EYS: variants seen among roughly 807,000 people sequenced by gnomAD.
EYS encodes the protein EGF-like photoreceptor maintenance factor, also known as protein eyes shut homolog.
Under a neutral mutation model 282.1 loss-of-function variants are expected in EYS, and 250 were observed. The ratio of observed to expected loss-of-function variants is 0.89; its 90% confidence interval spans 0.80 to 0.98. The LOEUF is 0.98. Ranked by LOEUF, EYS falls within the 50% of genes least tolerant of loss-of-function variation. The pLI, the probability that EYS is intolerant of heterozygous loss-of-function variation, is 0.00. For missense variants in EYS, 4,016 were observed against 3,709.0 expected (o/e 1.08, Z -2.15); for synonymous variants, 1,355 against 1,282.9 (o/e 1.06, Z -1.20).
intron 29 of EYS, among the ~76,000 whole-genome samples, chr6:64,317,015 A>C (rs986947078): frequency 3.3e-5 from 5 of 152,240 alleles, no homozygotes; most frequent in African/African-American, 7.2e-5. Flanking sequence ...GCCCATATGC[A>C]GGAAGGTGAA....
chr6:64,381,451 G>A (rs1772746016), intron 29 of EYS, among the ~76,000 whole-genome samples: 1 of 151,930 alleles, frequency 6.6e-6, no homozygotes, highest in Non-Finnish European at 1.5e-5. Flanking sequence ...TATATAATGG[G>A]GATATTTGTT....
chr6:64,849,863 C>CT (rs1765827711), intron 19 of EYS, among the ~76,000 whole-genome samples: 12 of 150,154 alleles, frequency 8.0e-5, no homozygotes, highest in African/African-American at 2.9e-4. Context: ...AAATTTTCTA[C>CT]TAAAAAAAGA....
chr6:64,149,252 G>A (rs951714553), intron 31 of EYS, among the ~76,000 whole-genome samples: 4 of 152,154 alleles, frequency 2.6e-5, no homozygotes, highest in African/African-American at 7.2e-5. Flanking sequence ...AAACGTGCAT[G>A]CATTTGTGGG....
chr6:64,965,431 A>T (rs758364127), intron 14 of EYS, among the ~76,000 whole-genome samples: 15 of 151,936 alleles, frequency 9.9e-5, no homozygotes, highest in Admixed American at 3.3e-4. Context: ...TATTTTTTAC[A>T]TATAGGAAAG....
At chr6:64,620,299 G>A (rs186849584) in intron 23 of EYS, among the ~76,000 whole-genome samples, 96 of 152,272 alleles carry the variant, frequency 6.3e-4, no homozygotes, top group African/African-American at 2.3e-3. Flanking sequence ...CCACCAGGCA[G>A]CTGCCGTTTC....
At chr6:65,237,650 G>A (rs1333355227) in intron 12 of EYS, among the ~76,000 whole-genome samples, 1 of 152,072 alleles carries the variant, frequency 6.6e-6, no homozygotes, top group African/African-American at 2.4e-5. Flanking sequence ...TTATGCTTTT[G>A]GTGTCTGTTC....
At chr6:65,633,122 G>A (rs1228363821) in intron 2 of EYS, among the ~76,000 whole-genome samples, 2 of 152,126 alleles carry the variant, frequency 1.3e-5, no homozygotes, top group Non-Finnish European at 2.9e-5. Context: ...TCATTGCATT[G>A]TTAGGGTTGT....
At chr6:64,682,779 C>CT (rs1465160088) in intron 22 of EYS, among the ~76,000 whole-genome samples, 1 of 152,148 alleles carries the variant, frequency 6.6e-6, no homozygotes, top group Non-Finnish European at 1.5e-5. Flanking sequence ...ACGTACCTTC[C>CT]TTTTTTTCCT....
Position 64,617,505 on chromosome 6 carries a change from C to T in EYS, c.3597G>A (p.Glu1199=). 6.5e-7 allele frequency: 1 copy of T among 1,550,324 alleles called. No homozygotes were observed. The highest frequency in any genetic ancestry group is 1.2e-5 in the South Asian group (1 of 84,026). ...PGWSGHHCEN[E]LECIPNSCVH... is the part of the protein sequence containing the mutation. ...CACATGAGTTGGGAATGCACTCAAG[C>T]TCATTCTCACAGTGGTGTCCAGACC... is the stretch of plus-strand genomic sequence containing the variant. Residue 1199 remains glutamate, a synonymous_variant, in exon 24 of 43, where the codon GAG becomes GAA. Coordinates refer to ENST00000503581, the MANE Select transcript of EYS (RefSeq NM_001142800.2).
At chr6:64,709,595 T>C (rs1771141139) in intron 22 of EYS, among the ~76,000 whole-genome samples, 1 of 152,294 alleles carries the variant, frequency 6.6e-6, no homozygotes, top group Non-Finnish European at 1.5e-5. Context: ...TAATCACTTC[T>C]AGGTGTTCTT....
chr6:65,180,082 A>G (rs1225787866), intron 12 of EYS, among the ~76,000 whole-genome samples: 1 of 151,328 alleles, frequency 6.6e-6, no homozygotes, highest in African/African-American at 2.4e-5. Flanking sequence ...ATCTACGACA[A>G]ACCCACAGCC....
intron 29 of EYS, among the ~76,000 whole-genome samples, chr6:64,387,721 C>A (rs1772960068): frequency 6.6e-6 from 1 of 152,070 alleles, no homozygotes; most frequent in African/African-American, 2.4e-5. Context: ...TCACAAATAT[C>A]TGTTTAATGA....
chr6:65,331,341 A>G (rs4710516), intron 11 of EYS: 394,198 of 693,440 alleles, frequency 0.57, 116,449 homozygotes, highest in East Asian at 0.9. Flanking sequence ...TTAGTGGTAT[A>G]TAGAGGGTCT....
At chr6:64,047,172 T>C (rs1230827642) in intron 33 of EYS, among the ~76,000 whole-genome samples, 1 of 140,430 alleles carries the variant, frequency 7.1e-6, no homozygotes, top group Non-Finnish European at 1.6e-5. Context: ...TTAAAGTGTG[T>C]CATTAGGTTA....
chr6:64,527,605 A>G (rs1237188284), intron 26 of EYS, among the ~76,000 whole-genome samples: 1 of 151,818 alleles, frequency 6.6e-6, no homozygotes, highest in Non-Finnish European at 1.5e-5. Flanking sequence ...GGTACAATTC[A>G]ATGAAATATG....
chr6:63,795,125 A>G (rs1770612317), intron 37 of EYS, among the ~76,000 whole-genome samples: 1 of 152,236 alleles, frequency 6.6e-6, no homozygotes, highest in Non-Finnish European at 1.5e-5. Context: ...TAACAACTCC[A>G]TCAGCACCAT....
chr6:64,919,345 T>C (rs1356096173), intron 15 of EYS, among the ~76,000 whole-genome samples: 12 of 151,736 alleles, frequency 7.9e-5, no homozygotes, highest in Non-Finnish European at 1.8e-4. Context: ...ATTTTTTGTA[T>C]TTTTAGTAGA....
At chr6:64,120,878 G>A (rs1773563261) in intron 31 of EYS, among the ~76,000 whole-genome samples, 1 of 152,152 alleles carries the variant, frequency 6.6e-6, no homozygotes, top group African/African-American at 2.4e-5. Context: ...AGGTTTCACT[G>A]GGATGAAATC....
At chr6:64,171,269 A>C (rs1764470931) in intron 31 of EYS, among the ~76,000 whole-genome samples, 1 of 152,174 alleles carries the variant, frequency 6.6e-6, no homozygotes, top group South Asian at 2.1e-4. Flanking sequence ...CTATATACGG[A>C]AAGTAAGTGG....
Sources: allele counts gnomAD v4.1 joint callset (sites outside exome capture counted in the v4.1 genomes callset), GRCh38; gene constraint gnomAD v4.1.1; transcripts MANE v1.5; gene names NCBI Gene and HGNC (gene_info 2026-07-23, HGNC 2026-07-21).